EPHA6: variants seen among roughly 807,000 people sequenced by gnomAD.
EPHA6 encodes EPH receptor A6.
Under a neutral mutation model 112.0 loss-of-function variants are expected in EPHA6, and 50 were observed. That is an observed-to-expected ratio of 0.45 (90% CI 0.36 to 0.56). The LOEUF (loss-of-function observed/expected upper bound fraction) is 0.56. Ranked by LOEUF, EPHA6 falls within the 20% of genes least tolerant of loss-of-function variation. The pLI, the probability that EPHA6 is intolerant of heterozygous loss-of-function variation, is 0.00. For missense variants in EPHA6, 1,280 were observed against 1,417.4 expected, an observed-to-expected ratio of 0.90 and a Z score of 1.56; for synonymous variants, 529 against 490.7, an observed-to-expected ratio of 1.08 and a Z score of -1.03.
At chr3:96,984,252 T>C (rs1042857648) in intron 2 of EPHA6, among the ~76,000 whole-genome samples, 1 of 152,142 alleles carries the variant, frequency 6.6e-6, no homozygotes, top group Non-Finnish European at 1.5e-5. Context: ...CCTTTCTGTT[T>C]GTTAGTTTTC....
intron 5 of EPHA6, among the ~76,000 whole-genome samples, chr3:97,272,325 TG>T (rs2079912624): frequency 8.7e-6 from 1 of 114,530 alleles, no homozygotes; most frequent in African/African-American, 2.8e-5. Flanking sequence ...TGTGTGTGTG[TG>T]TGTGTGTACA....
chr3:97,524,964 A>G (rs1030145694), intron 10 of EPHA6, among the ~76,000 whole-genome samples: 1 of 152,178 alleles, frequency 6.6e-6, no homozygotes, highest in African/African-American at 2.4e-5. Flanking sequence ...TAAGGCAGCA[A>G]GAATTTTGAG....
intron 3 of EPHA6, among the ~76,000 whole-genome samples, chr3:97,053,027 A>G (rs573630235): frequency 2.2e-4 from 33 of 152,114 alleles, no homozygotes; most frequent in Non-Finnish European, 4.6e-4. Flanking sequence ...AAAGCATAGC[A>G]TATTATCTGG....
At chr3:97,467,014 A>G (rs569448227) in intron 7 of EPHA6, among the ~76,000 whole-genome samples, 69 of 151,888 alleles carry the variant, frequency 4.5e-4, no homozygotes, top group Non-Finnish European at 7.7e-4. Flanking sequence ...GGTGGAGAAT[A>G]CCACCCTCCC....
intron 16 of EPHA6, among the ~76,000 whole-genome samples, chr3:97,743,845 T>C (rs1042699624): frequency 1.3e-5 from 2 of 152,010 alleles, no homozygotes; most frequent in Non-Finnish European, 2.9e-5. Flanking sequence ...TATATTTATA[T>C]GATGAATATA....
chr3:96,838,557 A>G (rs183944237), intron 1 of EPHA6, among the ~76,000 whole-genome samples: 1 of 152,250 alleles, frequency 6.6e-6, no homozygotes, highest in African/African-American at 2.4e-5. Flanking sequence ...CATCAGCAGC[A>G]TCTGTGTTTT....
intron 5 of EPHA6, among the ~76,000 whole-genome samples, chr3:97,336,979 GA>G (rs1332511377): frequency 6.6e-6 from 1 of 151,636 alleles, no homozygotes; most frequent in Non-Finnish European, 1.5e-5. Flanking sequence ...ACTCTGGGAT[GA>G]AAAAGAGTAG....
intron 14 of EPHA6, chr3:97,646,165 A>G: frequency 1.3e-6 from 2 of 1,535,556 alleles, no homozygotes; most frequent in Non-Finnish European, 1.7e-6. Flanking sequence ...GTTAAAGAAG[A>G]TGGTCTGGAA....
chr3:97,324,206 T>A (rs1243540942), intron 5 of EPHA6, among the ~76,000 whole-genome samples: 1 of 152,052 alleles, frequency 6.6e-6, no homozygotes, highest in Admixed American at 6.6e-5. Context: ...GCTTAACAGA[T>A]ATTTTGAGGG....
At position 97,538,299 on chromosome 3, in the gene EPHA6, T is replaced by G. The variant is rs554511289; in HGVS notation, c.2386+5756T>G. ...TTAAGACACTTCAGTGACTTCTTGATTGTATAGGGGGAATGAGGACGATGG... is the reference window on the plus strand; with the variant it reads ...TTAAGACACTTCAGTGACTTCTTGAGTGTATAGGGGGAATGAGGACGATGG... On this transcript the variant is annotated intron_variant, in intron 11 of 17. Coordinates refer to ENST00000389672, the MANE Select transcript of EPHA6 (RefSeq NM_001080448.3). 4.6e-5 allele frequency among the ~76,000 whole-genome samples: 7 copies of G among 152,242 alleles called. No homozygotes were observed. In the South Asian group the frequency reaches 1.5e-3, roughly 32 times the overall value.
At chr3:97,135,466 G>T (rs1373997601) in intron 3 of EPHA6, among the ~76,000 whole-genome samples, 2 of 152,096 alleles carry the variant, frequency 1.3e-5, no homozygotes, top group Non-Finnish European at 1.5e-5. Context: ...TGTACTGAAA[G>T]TAGAAATCAG....
At chr3:97,505,482 T>C (rs2092225850) in intron 10 of EPHA6, among the ~76,000 whole-genome samples, 1 of 152,172 alleles carries the variant, frequency 6.6e-6, no homozygotes, top group Admixed American at 6.6e-5. Context: ...AATGATGGTT[T>C]CCAGCTTCAT....
intron 2 of EPHA6, among the ~76,000 whole-genome samples, chr3:96,980,533 G>A (rs527948345): frequency 2.4e-4 from 36 of 152,024 alleles, no homozygotes; most frequent in African/African-American, 7.2e-4. Flanking sequence ...TTGGCAATGC[G>A]GGCTCTTTTT....
chr3:97,289,459 C>T (rs2080600597), intron 5 of EPHA6, among the ~76,000 whole-genome samples: 1 of 152,038 alleles, frequency 6.6e-6, no homozygotes, highest in Admixed American at 6.6e-5. Context: ...TGTACCAGTA[C>T]CATACTCTTT....
intron 3 of EPHA6, among the ~76,000 whole-genome samples, chr3:97,130,968 A>G (rs1252153022): frequency 6.6e-6 from 1 of 152,122 alleles, no homozygotes. Flanking sequence ...TTTAATTGAC[A>G]CAAAGTGATC....
intron 5 of EPHA6, among the ~76,000 whole-genome samples, chr3:97,307,611 T>G (rs1334572467): frequency 1.8e-5 from 2 of 114,148 alleles, no homozygotes; most frequent in African/African-American, 5.0e-5. Flanking sequence ...TTTTGTTGCC[T>G]TTTTTTTTTT....
At chr3:97,114,293 A>G (rs2047816708) in intron 3 of EPHA6, among the ~76,000 whole-genome samples, 1 of 152,172 alleles carries the variant, frequency 6.6e-6, no homozygotes, top group Non-Finnish European at 1.5e-5. Flanking sequence ...GAAATTTAGT[A>G]ACAACAAATT....
intron 6 of EPHA6, among the ~76,000 whole-genome samples, chr3:97,408,177 C>A (rs575936368): frequency 6.6e-6 from 1 of 152,174 alleles, no homozygotes; most frequent in Admixed American, 6.6e-5. Context: ...CCAATCCCAC[C>A]CAAGAGGGTG....
At chr3:97,298,051 C>T (rs1019838728) in intron 5 of EPHA6, among the ~76,000 whole-genome samples, 2 of 152,136 alleles carry the variant, frequency 1.3e-5, no homozygotes, top group Non-Finnish European at 2.9e-5. Context: ...CATGAACCAC[C>T]GTGCCTGGGT....
Sources: gnomAD v4.1 joint callset for allele counts (sites outside exome capture counted in the v4.1 genomes callset) on GRCh38, gnomAD v4.1.1 for gene constraint, MANE v1.5 for transcripts, NCBI Gene and HGNC (gene_info 2026-07-23, HGNC 2026-07-21) for gene names.